DYNC1I2: variants seen among roughly 807,000 people sequenced by gnomAD.
DYNC1I2 encodes the protein dynein cytoplasmic 1 intermediate chain 2, also known as cytoplasmic dynein 1 intermediate chain 2.
In DYNC1I2, 53 loss-of-function variants were observed where a neutral mutation model predicts 88.6. The ratio of observed to expected loss-of-function variants is 0.60; its 90% CI spans 0.48 to 0.75. The LOEUF (loss-of-function observed/expected upper bound fraction) is 0.75. Ranked by LOEUF, DYNC1I2 falls within the 30% of genes least tolerant of loss-of-function variation. The pLI is 0.00. For missense variants in DYNC1I2, 458 were observed against 766.6 expected (o/e 0.60, Z 4.75); for synonymous variants, 198 against 254.6 (o/e 0.78, Z 2.12).
At chr2:171,705,288 C>T (rs1686593140) in intron 3 of DYNC1I2, among the ~76,000 whole-genome samples, 1 of 151,938 alleles carries the variant, frequency 6.6e-6, no homozygotes, top group South Asian at 2.1e-4. Flanking sequence ...AAGTAAAATA[C>T]TGTTGAACTT....
At position 171,745,934 on chromosome 2, in the gene DYNC1I2, G is replaced by T; in HGVS notation, c.1803+7G>T. 6.2e-7 allele frequency: 1 copy of T among 1,613,374 alleles called. No individual in the cohort carries two copies. The highest frequency in any genetic ancestry group is 1.1e-5 in the South Asian group (1 of 90,988). On this transcript the variant is annotated splice_region_variant and intron_variant, in intron 17 of 17. Transcript: ENST00000397119. The stretch of plus-strand genomic sequence containing the variant: ...TATATACGATGTGGGAGAGGTATGG[G>T]ACTCCCTGCCTGTAATTTTGACACA...
Position 171,748,039 on chromosome 2 carries a change from C to G in DYNC1I2, c.*150C>G. The G allele has an allele frequency of 2.0e-6, 1 of 506,982 alleles. No individual in the cohort carries two copies. Among genetic ancestry groups the G allele is most frequent in the South Asian group, 4.0e-5 (1 of 24,732 alleles). 31.4% of individuals were successfully genotyped at this position (506,982 alleles called of 1,614,324 possible). On this transcript the variant is annotated 3_prime_UTR_variant, in exon 18 of 18. Transcript: ENST00000397119. The stretch of plus-strand genomic sequence containing the variant: ...AATGCAGCAAGGAAACTTACAATGT[C>G]CCTTTATATATAACATGCATCTTGT...
chr2:171,742,730 A>C (rs981625953), intron 15 of DYNC1I2, among the ~76,000 whole-genome samples: 1 of 152,180 alleles, frequency 6.6e-6, no homozygotes, highest in Non-Finnish European at 1.5e-5. Context: ...GTGAGAATAC[A>C]TGTACCTTGT....
chr2:171,706,454 T>C, intron 3 of DYNC1I2, 93 bp from the exon 4 acceptor site: 6 of 1,037,300 alleles, frequency 5.8e-6, no homozygotes, highest in Non-Finnish European at 8.8e-6. Context: ...AAGCACTTGC[T>C]GTTTATTTTA....
intron 3 of DYNC1I2, among the ~76,000 whole-genome samples, chr2:171,701,434 T>A (rs1686252416): frequency 6.6e-6 from 1 of 152,252 alleles, no homozygotes; most frequent in Non-Finnish European, 1.5e-5. Flanking sequence ...CCTCCCAAAG[T>A]GCTGGGATTA....
In DYNC1I2 at chr2:171,729,715, T is replaced by C. The variant is rs1459164066; in HGVS notation, c.1398T>C (p.Ala466=). 4.3e-6 allele frequency: 7 copies of C among 1,612,268 alleles called. No homozygotes were observed. Among genetic ancestry groups the C allele is most frequent in the Non-Finnish European group, 5.9e-6 (7 of 1,179,710 alleles). The change falls in exon 15 of 18, where the codon GCT becomes GCC. Residue 466 remains alanine (A), a synonymous_variant. Transcript: ENST00000397119. The part of the protein sequence containing the change: ...VYTACRHGSK[A]GISEMFEGHQ... Reference sequence around the variant, plus strand: ...TTCACTTTTATGAAATTAGCAAAGCTGGAATCAGTGAGATGTTTGAGGGGC... The same window carrying C: ...TTCACTTTTATGAAATTAGCAAAGCCGGAATCAGTGAGATGTTTGAGGGGC...
At chr2:171,697,175 G>GTTTTGT (rs540224968) in intron 3 of DYNC1I2, among the ~76,000 whole-genome samples, 4 of 151,576 alleles carry the variant, frequency 2.6e-5, no homozygotes, top group Non-Finnish European at 4.4e-5. Flanking sequence ...TAATTTTTTT[G>GTTTTGT]TTTTGTTTTT....
intron 3 of DYNC1I2, among the ~76,000 whole-genome samples, chr2:171,696,481 G>A (rs910080080): frequency 1.2e-4 from 19 of 152,008 alleles, no homozygotes; most frequent in African/African-American, 3.6e-4. Flanking sequence ...CCTTTTTTGT[G>A]TGCTTTTGGT....
chr2:171,694,804 G>A (rs1685642973), intron 3 of DYNC1I2, among the ~76,000 whole-genome samples: 2 of 152,190 alleles, frequency 1.3e-5, no homozygotes, highest in African/African-American at 2.4e-5. Context: ...CAGTGAGCAA[G>A]AGCAAGAGGT....
chr2:171,732,866 A>T (rs1032918060), intron 15 of DYNC1I2, among the ~76,000 whole-genome samples: 5 of 152,110 alleles, frequency 3.3e-5, no homozygotes, highest in South Asian at 4.1e-4. Flanking sequence ...TCTTTTTTTT[A>T]AAACTTTTAT....
rs1294804898 is a variant in DYNC1I2 at position 171,715,384 on chromosome 2, G to A, written c.452G>A (p.Arg151Gln). 8 of 1,569,730 alleles carry A rather than the reference G, an allele frequency of 5.1e-6. No individual in the cohort carries two copies. Among genetic ancestry groups the A allele is most frequent in the African/African-American group, 2.7e-5 (2 of 73,892 alleles). Reference sequence around the variant, plus strand: ...ATCACGCAAGTCGACTTTCCTCCTCGAGAAATTGTCACGTATACAAAGGAA... The same window carrying A: ...ATCACGCAAGTCGACTTTCCTCCTCAAGAAATTGTCACGTATACAAAGGAA... ...AKITQVDFPP[R>Q]EIVTYTKETQ... Residue 151 changes from arginine (R) to glutamine (Q), a missense_variant, in exon 7 of 18, where the codon CGA (arginine) becomes CAA (glutamine). By Grantham distance (43) the Arg-to-Gln change is conservative (BLOSUM62 1). This residue lies in a region of DYNC1I2 where 203 missense variants were observed against 354.2 expected (regional missense o/e 0.57). Transcript: ENST00000397119.
rs186646233 is a variant in DYNC1I2 at position 171,692,242 on chromosome 2, T to G, written c.109-535T>G. Among the ~76,000 whole-genome samples the G allele has an allele frequency of 5.9e-5, 9 of 152,320 alleles. No homozygotes were observed. The East Asian group carries it at 1.7e-3, about 29-fold the overall frequency. Reference sequence around the variant, plus strand: ...GACAAAAATTTTCATAACAAAATGTTTTGTGCTATGCAAAAGTGAGTTTAA... The same window carrying G: ...GACAAAAATTTTCATAACAAAATGTGTTGTGCTATGCAAAAGTGAGTTTAA... On this transcript the variant is annotated intron_variant, in intron 2 of 17. Transcript: ENST00000397119.
intron 15 of DYNC1I2, among the ~76,000 whole-genome samples, chr2:171,738,713 C>T (rs1401432217): frequency 6.6e-6 from 1 of 152,202 alleles, no homozygotes; most frequent in African/African-American, 2.4e-5. Context: ...GAGGCCTTAG[C>T]ACAGTGGTTC....
chr2:171,700,835 G>A (rs936936492), intron 3 of DYNC1I2, among the ~76,000 whole-genome samples: 1 of 152,036 alleles, frequency 6.6e-6, no homozygotes, highest in Non-Finnish European at 1.5e-5. Flanking sequence ...GTTTCACCGT[G>A]TTAGCCAGGA....
chr2:171,713,566 G>C (rs917533821), intron 6 of DYNC1I2, among the ~76,000 whole-genome samples: 3 of 151,438 alleles, frequency 2.0e-5, no homozygotes, highest in African/African-American at 4.8e-5. Context: ...CTGTATGTAT[G>C]GTTTTTTAAT....
chr2:171,702,589 A>C (rs914480672), intron 3 of DYNC1I2, among the ~76,000 whole-genome samples: 2 of 152,094 alleles, frequency 1.3e-5, no homozygotes, highest in Non-Finnish European at 2.9e-5. Context: ...AAAGCATAGA[A>C]GTATAAAAAC....
At chr2:171,709,173 G>T (rs1346375629) in intron 5 of DYNC1I2, among the ~76,000 whole-genome samples, 2 of 151,934 alleles carry the variant, frequency 1.3e-5, no homozygotes, top group African/African-American at 4.8e-5. Context: ...TGTACATTAT[G>T]ACTCATCGTT....
chr2:171,711,031 A>G (rs1448483591), intron 5 of DYNC1I2, among the ~76,000 whole-genome samples: 4 of 91,658 alleles, frequency 4.4e-5, no homozygotes, highest in Non-Finnish European at 6.7e-5. Context: ...CCCTCACCCC[A>G]CGACAGGCCC....
chr2:171,716,325 T>TA (rs1031712912), intron 7 of DYNC1I2, among the ~76,000 whole-genome samples: 1 of 152,218 alleles, frequency 6.6e-6, no homozygotes, highest in Non-Finnish European at 1.5e-5. Flanking sequence ...GTAATGATTA[T>TA]AAATAGCTTT....
Sources: allele counts gnomAD v4.1 joint callset (sites outside exome capture counted in the v4.1 genomes callset), GRCh38; gene constraint gnomAD v4.1.1; regional missense constraint gnomAD v4.1.1; transcripts MANE v1.5; gene names NCBI Gene and HGNC (gene_info 2026-07-23, HGNC 2026-07-21).